The following BABAM2 variants were observed in gnomAD, a reference collection of about 807,000 sequenced individuals.
The protein encoded by BABAM2 is BRISC and BRCA1-A complex member 2.
A neutral mutation model predicts 54.7 loss-of-function variants in BABAM2; 31 were observed. The observed-to-expected ratio is 0.57, with a 90% CI of 0.43 to 0.77. The LOEUF (loss-of-function observed/expected upper bound fraction) is 0.77, where lower values mean the gene tolerates loss of function less well. Ranked by LOEUF, BABAM2 falls within the 30% of genes least tolerant of loss-of-function variation. The probability of loss-of-function intolerance (pLI) is 0.00; values close to 1 mark genes in which losing one functional copy is unlikely to be tolerated. For synonymous variants in BABAM2, 167 were observed against 162.9 expected (o/e 1.03, Z -0.19); for missense variants, 364 against 455.8 (o/e 0.80, Z 1.83).
chr2:28,131,070 A>ATTTTT lies in BABAM2; in HGVS notation c.680+1692_680+1693insTTTTT. On this transcript the variant is annotated intron_variant, in intron 7 of 11. Coordinates refer to ENST00000379624, the MANE Select transcript of BABAM2 (RefSeq NM_199191.3). ...AGAGTGTTTTATTATTATTATTATTATTATTATTATTTTTTTTTTTTTTTT... is the reference window on the plus strand; with the variant it reads ...AGAGTGTTTTATTATTATTATTATTATTTTTTTATTATTATTTTTTTTTTTTTTTT... 3.6e-3 allele frequency among the ~76,000 whole-genome samples: 25 copies of ATTTTT among 6,954 alleles called. 8 individuals are homozygous for ATTTTT. Among genetic ancestry groups the ATTTTT allele is most frequent in the Non-Finnish European group, 9.5e-3 (19 of 2,000 alleles). 4.6% of individuals were successfully genotyped at this position (6,954 alleles called of 152,430 possible). A position where few individuals can be genotyped will look rare whatever the true frequency, so the allele number is the denominator to read the frequency against.
intron 5 of BABAM2, among the ~76,000 whole-genome samples, chr2:28,044,706 T>C (rs1032942348): frequency 6.6e-6 from 1 of 152,262 alleles, no homozygotes; most frequent in East Asian, 1.9e-4. Context: ...TTTGTGCTGC[T>C]CATTTTTTAA....
chr2:28,270,865 A>G (rs1341273145), intron 10 of BABAM2, among the ~76,000 whole-genome samples: 1 of 152,224 alleles, frequency 6.6e-6, no homozygotes, highest in African/African-American at 2.4e-5. Context: ...TCCAAATTCA[A>G]ATGCAGCTCT....
At chr2:28,271,928 G>A (rs551270033) in intron 10 of BABAM2, among the ~76,000 whole-genome samples, 2 of 152,242 alleles carry the variant, frequency 1.3e-5, no homozygotes, top group Non-Finnish European at 2.9e-5. Flanking sequence ...ATGGTGGAAT[G>A]TAGAGGTGGT....
At chr2:28,126,723 A>T (rs1460007965) in intron 6 of BABAM2, among the ~76,000 whole-genome samples, 23 of 134,846 alleles carry the variant, frequency 1.7e-4, no homozygotes, top group Non-Finnish European at 2.9e-4. Context: ...CGCCACACTG[A>T]CTTCCACAAT....
intron 7 of BABAM2, among the ~76,000 whole-genome samples, chr2:28,131,580 C>A (rs1670082627): frequency 6.6e-6 from 1 of 152,094 alleles, no homozygotes; most frequent in South Asian, 2.1e-4. Flanking sequence ...CATAATAATA[C>A]CTATTTCTTA....
At chr2:27,961,794 C>A (rs556363937) in intron 3 of BABAM2, among the ~76,000 whole-genome samples, 5 of 140,760 alleles carry the variant, frequency 3.6e-5, no homozygotes, top group Admixed American at 1.5e-4. Context: ...GTGGTGCAAT[C>A]ATAGCTCACC....
intron 2 of BABAM2, among the ~76,000 whole-genome samples, chr2:27,907,250 T>C (rs1666246793): frequency 1.3e-5 from 2 of 151,932 alleles, no homozygotes; most frequent in African/African-American, 2.4e-5. Context: ...TTTTGAAAAA[T>C]ACATCTTTTT....
intron 11 of BABAM2, among the ~76,000 whole-genome samples, 170 bp from the exon 12 acceptor site, chr2:28,338,280 C>T (rs1447032652): frequency 6.6e-6 from 1 of 152,234 alleles, no homozygotes; most frequent in Non-Finnish European, 1.5e-5. Flanking sequence ...GCATGCATCT[C>T]CTCGGAAAAA....
intron 6 of BABAM2, among the ~76,000 whole-genome samples, chr2:28,068,789 A>T (rs1004411485): frequency 5.9e-5 from 9 of 152,314 alleles, no homozygotes; most frequent in African/African-American, 2.2e-4. Flanking sequence ...TGGCCCCGAC[A>T]CCGACATATC....
chr2:28,144,298 A>T (rs1254587859), intron 7 of BABAM2, among the ~76,000 whole-genome samples: 2 of 152,142 alleles, frequency 1.3e-5, no homozygotes, highest in Non-Finnish European at 2.9e-5. Context: ...AATTTTTGAA[A>T]TTCCCTCTAG....
chr2:28,011,347 T>A (rs1225692906), intron 4 of BABAM2, among the ~76,000 whole-genome samples: 1 of 152,196 alleles, frequency 6.6e-6, no homozygotes, highest in Non-Finnish European at 1.5e-5. Context: ...TATTTTGCTT[T>A]GCTTTTTCTT....
intron 3 of BABAM2, among the ~76,000 whole-genome samples, chr2:27,959,729 T>G (rs1473203742): frequency 6.6e-6 from 1 of 152,198 alleles, no homozygotes; most frequent in Non-Finnish European, 1.5e-5. Context: ...GAGGCACAAC[T>G]GTCTTTGTCC....
chr2:27,996,819 T>A (rs773442126), intron 4 of BABAM2, among the ~76,000 whole-genome samples: 3 of 152,124 alleles, frequency 2.0e-5, no homozygotes, highest in Non-Finnish European at 4.4e-5. Flanking sequence ...TTTCTCCTCT[T>A]GATTCTCAGC....
chr2:27,939,612 A>T (rs1035486799), intron 3 of BABAM2, among the ~76,000 whole-genome samples: 1 of 152,256 alleles, frequency 6.6e-6, no homozygotes, highest in Admixed American at 6.5e-5. Flanking sequence ...TGCTCTTAAC[A>T]ATTCAGAAAA....
At chr2:28,278,145 A>AC (rs1686037040) in intron 10 of BABAM2, among the ~76,000 whole-genome samples, 1 of 152,174 alleles carries the variant, frequency 6.6e-6, no homozygotes, top group Admixed American at 6.6e-5. Flanking sequence ...AAAGAAATGC[A>AC]CCTAGTTATA....
At chr2:28,053,942 A>G (rs1474458622) in intron 6 of BABAM2, among the ~76,000 whole-genome samples, 2 of 152,262 alleles carry the variant, frequency 1.3e-5, no homozygotes, top group African/African-American at 4.8e-5. Context: ...ATCACTATAC[A>G]TTATGTGTAT....
At chr2:27,999,815 A>T (rs1405609337) in intron 4 of BABAM2, among the ~76,000 whole-genome samples, 1 of 152,244 alleles carries the variant, frequency 6.6e-6, no homozygotes, top group Non-Finnish European at 1.5e-5. Context: ...TACATTTAAA[A>T]AGAATGTGTA....
rs1553349503 is a variant in BABAM2 at position 28,248,207 on chromosome 2, C to CTTTTTCTTT, written c.934+3350_934+3351insCTTTTTTTT. Among the ~76,000 whole-genome samples, 63 of 54,312 alleles carry CTTTTTCTTT rather than the reference C, an allele frequency of 1.2e-3. 4 individuals are homozygous for CTTTTTCTTT. Among genetic ancestry groups the CTTTTTCTTT allele is most frequent in the African/African-American group, 2.1e-3 (32 of 15,052 alleles). 35.6% of individuals were successfully genotyped at this position (54,312 alleles called of 152,430 possible). A position where few individuals can be genotyped will look rare whatever the true frequency, so the allele number is the denominator to read the frequency against. ...AGTAGCTTTTGTTTATTTTCTTTTT[C>CTTTTTCTTT]TTTTTTTTTTTTTTTTTTTGAGACG... On this transcript the variant is annotated intron_variant, in intron 10 of 11. Transcript: ENST00000379624.
chr2:27,948,920 C>T (rs1413839948), intron 3 of BABAM2, among the ~76,000 whole-genome samples: 1 of 152,124 alleles, frequency 6.6e-6, no homozygotes, highest in African/African-American at 2.4e-5. Context: ...ATGAAGTCCC[C>T]TTTTATACCT....
Sources: gnomAD v4.1 joint callset for allele counts (sites outside exome capture counted in the v4.1 genomes callset) on GRCh38, gnomAD v4.1.1 for gene constraint, MANE v1.5 for transcripts, NCBI Gene and HGNC (gene_info 2026-07-23, HGNC 2026-07-21) for gene names.